Variants in MDFIC observed in about 807,000 individuals in gnomAD.
MDFIC encodes the protein MyoD family inhibitor domain containing.
Under a neutral mutation model 23.2 loss-of-function variants are expected in MDFIC, and 17 were observed. That is an observed-to-expected ratio of 0.73 (90% CI 0.50 to 1.10). The LOEUF (loss-of-function observed/expected upper bound fraction) is 1.10. Ranked by LOEUF, MDFIC falls within the 50% of genes least tolerant of loss-of-function variation. The pLI, the probability that MDFIC is intolerant of heterozygous loss-of-function variation, is 0.00. For synonymous variants in MDFIC, 120 were observed against 115.2 expected (o/e 1.04, Z -0.27); for missense variants, 356 against 316.6 (o/e 1.12, Z -0.95).
chr7:115,006,072 C>T (rs1237646870), intron 4 of MDFIC, among the ~76,000 whole-genome samples: 1 of 152,122 alleles, frequency 6.6e-6, no homozygotes, highest in African/African-American at 2.4e-5. Flanking sequence ...GGAGTGCATC[C>T]TGGGTCTTCT....
At chr7:115,006,070 TC>T (rs1007350923) in intron 4 of MDFIC, among the ~76,000 whole-genome samples, 2 of 152,266 alleles carry the variant, frequency 1.3e-5, no homozygotes, top group African/African-American at 4.8e-5. Flanking sequence ...GGGGAGTGCA[TC>T]CTGGGTCTTC....
chr7:114,951,269 C>T (rs546921296), intron 3 of MDFIC, among the ~76,000 whole-genome samples: 1 of 152,080 alleles, frequency 6.6e-6, no homozygotes, highest in South Asian at 2.1e-4. Context: ...CTGCTTTGGC[C>T]TAAGGTCAGT....
intron 4 of MDFIC, among the ~76,000 whole-genome samples, chr7:114,990,169 G>C (rs867031517): frequency 6.6e-6 from 1 of 152,014 alleles, no homozygotes; most frequent in South Asian, 2.1e-4. Flanking sequence ...TATCACAAAG[G>C]CTTGAAAAGG....
chr7:114,966,522 C>A (rs1793099485), intron 3 of MDFIC, among the ~76,000 whole-genome samples: 1 of 151,982 alleles, frequency 6.6e-6, no homozygotes, highest in African/African-American at 2.4e-5. Context: ...CACCAACCTG[C>A]ACTTCGGGCT....
intron 2 of MDFIC, among the ~76,000 whole-genome samples, chr7:114,939,685 C>T (rs149351252): frequency 5.9e-5 from 9 of 152,104 alleles, no homozygotes; most frequent in Non-Finnish European, 1.0e-4. Context: ...GTGTTTAGCA[C>T]TCGAATATTG....
intron 3 of MDFIC, among the ~76,000 whole-genome samples, chr7:114,955,522 G>C (rs1792866889): frequency 6.6e-6 from 1 of 152,138 alleles, no homozygotes; most frequent in Non-Finnish European, 1.5e-5. Context: ...TCCATTACTG[G>C]ACTGAAGGTT....
intron 4 of MDFIC, among the ~76,000 whole-genome samples, chr7:115,002,085 C>T (rs746889424): frequency 1.8e-4 from 27 of 151,980 alleles, no homozygotes; most frequent in Non-Finnish European, 5.9e-5. Context: ...TGCCGTGTGC[C>T]GAGATTGTGC....
Position 114,973,090 on chromosome 7 carries a change from C to CATGT in MDFIC, c.218-6416_218-6415insATGT, listed in dbSNP as rs58799374. On this transcript the variant is annotated intron_variant, in intron 3 of 4. Coordinates refer to ENST00000393486, the MANE Select transcript of MDFIC (RefSeq NM_001166345.3). ...TTTGGGCTAAAGGCAGTTTATGTAT[C>CATGT]GTGTGTGTGTGTATATATATATATA... Among the ~76,000 whole-genome samples, 262 of 148,302 alleles carry CATGT rather than the reference C, an allele frequency of 1.8e-3. 1 individual carries two copies. Among genetic ancestry groups the CATGT allele is most frequent in the African/African-American group, 5.5e-3 (222 of 40,322 alleles).
At position 114,970,786 on chromosome 7, in the gene MDFIC, T is replaced by C. The variant is rs183771118; in HGVS notation, c.218-8720T>C. ...AGTAACTTGGCTGCTGAAATTCAGC[T>C]AACATGTATATGATTATCATGACTT... On this transcript the variant is annotated intron_variant, in intron 3 of 4. Transcript: ENST00000393486. Among the ~76,000 whole-genome samples, 38 of 152,320 alleles carry C rather than the reference T, an allele frequency of 2.5e-4. No individual in the cohort carries two copies. The Middle Eastern group carries it at 0.017, about 68-fold the overall frequency.
intron 3 of MDFIC, among the ~76,000 whole-genome samples, chr7:114,975,338 G>T (rs1793290111): frequency 6.6e-6 from 1 of 151,964 alleles, no homozygotes; most frequent in African/African-American, 2.4e-5. Flanking sequence ...TATAACGCAG[G>T]CAGAAGATAG....
At chr7:115,015,217 A>T (rs1159987242) in intron 4 of MDFIC, among the ~76,000 whole-genome samples, 1 of 152,238 alleles carries the variant, frequency 6.6e-6, no homozygotes, top group Non-Finnish European at 1.5e-5. Context: ...TTTCAATAAT[A>T]TATAAAACAT....
At chr7:114,960,472 T>A (rs934196152) in intron 3 of MDFIC, among the ~76,000 whole-genome samples, 90 of 152,110 alleles carry the variant, frequency 5.9e-4, no homozygotes, top group African/African-American at 1.8e-3. Context: ...GGCCTTTTTT[T>A]AATATAGTCT....
chr7:114,938,397 T>C (rs769924336), intron 2 of MDFIC, among the ~76,000 whole-genome samples: 1 of 152,236 alleles, frequency 6.6e-6, no homozygotes, highest in Non-Finnish European at 1.5e-5. Context: ...TGTATCTCAA[T>C]ATTTGATATA....
At chr7:115,007,181 G>C (rs1037000112) in intron 4 of MDFIC, among the ~76,000 whole-genome samples, 5 of 152,128 alleles carry the variant, frequency 3.3e-5, no homozygotes, top group Admixed American at 1.3e-4. Flanking sequence ...TCCGATGTCC[G>C]TGTGGTAATC....
intron 3 of MDFIC, among the ~76,000 whole-genome samples, chr7:114,951,373 C>T (rs1285671957): frequency 2.0e-5 from 3 of 151,938 alleles, no homozygotes; most frequent in Admixed American, 6.6e-5. Context: ...TTTTTGGAAC[C>T]AGTCTTCATT....
intron 3 of MDFIC, among the ~76,000 whole-genome samples, chr7:114,965,648 G>A (rs1793080609): frequency 6.6e-6 from 1 of 152,194 alleles, no homozygotes; most frequent in South Asian, 2.1e-4. Flanking sequence ...GGTGGGGGAT[G>A]AGCAGGGACG....
rs1236106174 is a variant in MDFIC at position 114,923,636 on chromosome 7, A to G, written c.94+509A>G. The G allele has an allele frequency of 2.1e-6, 3 of 1,442,144 alleles. No homozygotes were observed. In the East Asian group the frequency reaches 7.6e-5, roughly 37 times the overall value. 89.3% of individuals were successfully genotyped at this position (1,442,144 alleles called of 1,614,324 possible). On this transcript the variant is annotated intron_variant, in intron 2 of 4. Coordinates refer to ENST00000393486, the MANE Select transcript of MDFIC (RefSeq NM_001166345.3). Reference sequence around the variant, plus strand: ...CAATAACTGGTTTGTTTTGAAATAAATAAACAAGGTTTATAAGAAACACTT... The same window carrying G: ...CAATAACTGGTTTGTTTTGAAATAAGTAAACAAGGTTTATAAGAAACACTT...
At chr7:114,940,621 T>G (rs1229512083) in intron 2 of MDFIC, among the ~76,000 whole-genome samples, 2 of 152,204 alleles carry the variant, frequency 1.3e-5, no homozygotes, top group East Asian at 3.8e-4. Context: ...AGATGACTAT[T>G]TCTAGCTATA....
At chr7:114,926,378 T>A (rs1000065749) in intron 2 of MDFIC, among the ~76,000 whole-genome samples, 1 of 152,240 alleles carries the variant, frequency 6.6e-6, no homozygotes, top group Non-Finnish European at 1.5e-5. Flanking sequence ...ACATAAATTG[T>A]ATGTCATTGT....
Sources: allele counts gnomAD v4.1 joint callset (sites outside exome capture counted in the v4.1 genomes callset), GRCh38; gene constraint gnomAD v4.1.1; transcripts MANE v1.5; gene names NCBI Gene and HGNC (gene_info 2026-07-23, HGNC 2026-07-21).